Variants in SCYL2 observed in about 807,000 individuals in gnomAD.
The protein encoded by SCYL2 is SCY1-like protein 2.
In SCYL2, 36 loss-of-function variants were observed where a neutral mutation model predicts 100.4. That is an observed-to-expected ratio of 0.36 (90% CI 0.27 to 0.47). The LOEUF (loss-of-function observed/expected upper bound fraction) is 0.47, where lower values mean the gene tolerates loss of function less well. Ranked by LOEUF, SCYL2 falls within the 20% of genes least tolerant of loss-of-function variation. SCYL2 has a pLI of 1.00. For synonymous variants in SCYL2, 330 were observed against 359.2 expected (o/e 0.92, Z 0.92); for missense variants, 902 against 1,083.9 (o/e 0.83, Z 2.36).
intron 1 of SCYL2, among the ~76,000 whole-genome samples, chr12:100,273,504 C>T (rs1052788242): frequency 1.3e-5 from 2 of 152,114 alleles, no homozygotes; most frequent in African/African-American, 2.4e-5. Context: ...GTATCAGATA[C>T]ATAGTGGATA....
chr12:100,310,146 G>A (rs1458338601), intron 4 of SCYL2, among the ~76,000 whole-genome samples: 3 of 152,078 alleles, frequency 2.0e-5, no homozygotes, highest in Admixed American at 6.5e-5. Context: ...CTAGAGGCAC[G>A]CGCCACCATG....
intron 16 of SCYL2, among the ~76,000 whole-genome samples, chr12:100,336,788 TA>T (rs974289579): frequency 2.9e-4 from 44 of 152,230 alleles, no homozygotes; most frequent in African/African-American, 1.0e-3. Flanking sequence ...TAGCATCCAA[TA>T]AAAAAACTTT....
chr12:100,283,751 AGCTT>A (rs758800046), intron 2 of SCYL2, among the ~76,000 whole-genome samples: 2 of 152,226 alleles, frequency 1.3e-5, no homozygotes, highest in Non-Finnish European at 2.9e-5. Flanking sequence ...TTCCGAAGTT[AGCTT>A]ATTTCCCAGG....
Position 100,313,465 on chromosome 12 carries a change from A to C in SCYL2, c.896A>C (p.Glu299Ala). 6.2e-7 allele frequency: 1 copy of C among 1,609,968 alleles called. No individual in the cohort carries two copies. The highest frequency in any genetic ancestry group is 2.2e-5 in the East Asian group (1 of 44,760). ...GSSSLTNIPEEVREHVKLLLN... is the reference protein window; with the variant it reads ...GSSSLTNIPEAVREHVKLLLN... ...AGTTCACTTACAAATATACCTGAGG[A>C]AGTTCGTGAACATGTAAAGCTACTG... is the stretch of plus-strand genomic sequence containing the variant. Residue 299 changes from glutamate to alanine, a missense_variant, in exon 7 of 18, where the codon GAA becomes GCA. Glu to Ala is a moderately radical substitution (Grantham distance 107). Coordinates refer to ENST00000360820, the MANE Select transcript of SCYL2 (RefSeq NM_017988.6).
chr12:100,269,615 C>G (rs1055861323), intron 1 of SCYL2, among the ~76,000 whole-genome samples: 29 of 152,118 alleles, frequency 1.9e-4, no homozygotes, highest in African/African-American at 7.0e-4. Context: ...TGAGGTATAG[C>G]TAGCTTTTCC....
chr12:100,295,010 C>T (rs1248047940), intron 3 of SCYL2, among the ~76,000 whole-genome samples: 13 of 145,876 alleles, frequency 8.9e-5, no homozygotes, highest in East Asian at 2.1e-4. Context: ...CGCTCCTCAC[C>T]TCCCAGACGG....
intron 1 of SCYL2, among the ~76,000 whole-genome samples, chr12:100,274,756 G>C (rs992482189): frequency 3.3e-5 from 5 of 152,182 alleles, no homozygotes; most frequent in African/African-American, 9.7e-5. Flanking sequence ...TCAGGACATA[G>C]ACTTGTTCTC....
intron 3 of SCYL2, among the ~76,000 whole-genome samples, chr12:100,293,282 A>G (rs1275002380): frequency 6.6e-6 from 1 of 152,122 alleles, no homozygotes; most frequent in Non-Finnish European, 1.5e-5. Context: ...TGTCATAAAA[A>G]TATTTTTTAT....
chr12:100,310,340 A>G (rs2096340741), intron 4 of SCYL2, among the ~76,000 whole-genome samples: 2 of 152,084 alleles, frequency 1.3e-5, no homozygotes, highest in African/African-American at 2.4e-5. Context: ...CATGGATGTG[A>G]GGTGAGAGCT....
chr12:100,317,766 TC>T, intron 9 of SCYL2, 36 bp from the exon 10 acceptor site: 1 of 1,563,802 alleles, frequency 6.4e-7, no homozygotes, highest in Non-Finnish European at 8.6e-7. Flanking sequence ...TTTTAAAGAT[TC>T]CAGGTTTTAA....
chr12:100,322,044 C>CAA (rs35666642), intron 10 of SCYL2, among the ~76,000 whole-genome samples: 6 of 66,774 alleles, frequency 9.0e-5, no homozygotes, highest in South Asian at 6.0e-4. Context: ...CAAGACTCTC[C>CAA]AAAAAAAAAA....
Position 100,311,048 on chromosome 12 carries a change from C to G in SCYL2, c.485C>G (p.Ser162Cys). 1.3e-6 allele frequency: 2 copies of G among 1,550,636 alleles called. No homozygotes were observed. Among genetic ancestry groups the G allele is most frequent in the Non-Finnish European group, 8.7e-7 (1 of 1,152,982 alleles). ...ATGTGTTTTTTCCATTTACAGGTTT[C>G]TGAAGGATTGTCATTCTTGCATAGC... ...VETKYGLLQV[S>C]EGLSFLHSSV... is the part of the protein sequence containing the mutation. The change falls in exon 5 of 18, where the codon TCT becomes TGT. Residue 162 changes from serine (S) to cysteine (C), a missense_variant. Ser to Cys is a moderately radical substitution (Grantham distance 112). Coordinates refer to ENST00000360820, the MANE Select transcript of SCYL2 (RefSeq NM_017988.6).
Position 100,329,185 on chromosome 12 carries a change from C to A in SCYL2, c.1643-16C>A. 1.7e-6 allele frequency: 2 copies of A among 1,209,190 alleles called. No individual in the cohort carries two copies. Among genetic ancestry groups the A allele is most frequent in the Non-Finnish European group, 2.5e-6 (2 of 812,422 alleles). The allele number at this position is 1,209,190 out of a possible 1,614,324, so 74.9% of individuals were successfully genotyped here. On this transcript the variant is annotated splice_polypyrimidine_tract_variant and intron_variant, in intron 12 of 17. Transcript: ENST00000360820. ...TGGTGTTAACTTATAAAATTTGTCA[C>A]ATTCTTTTCTATCAGGTATTTACAA...
intron 4 of SCYL2, among the ~76,000 whole-genome samples, chr12:100,304,396 A>C (rs563679687): frequency 1.6e-4 from 25 of 152,122 alleles, no homozygotes; most frequent in African/African-American, 5.1e-4. Flanking sequence ...TAGGTACCTG[A>C]GGGAATCTCC....
intron 2 of SCYL2, 24 bp downstream of exon 2, chr12:100,283,171 T>G (rs772935314): frequency 1.3e-6 from 2 of 1,559,694 alleles, no homozygotes; most frequent in Non-Finnish European, 1.7e-6. Context: ...CAGCATCCAC[T>G]TGGAAAAAAC....
At position 100,315,550 on chromosome 12, in the gene SCYL2, C is replaced by A; in HGVS notation, c.1096-8C>A. On this transcript the variant is annotated splice_region_variant and splice_polypyrimidine_tract_variant and intron_variant, in intron 8 of 17. Coordinates refer to ENST00000360820, the MANE Select transcript of SCYL2 (RefSeq NM_017988.6). ...ATTTTTTTTTTAAAAAACATTTTTG[C>A]CTTTCAGCGTGTCATTGTGCAGAGA... 1.3e-6 allele frequency: 2 copies of A among 1,557,776 alleles called. No homozygotes were observed. The highest frequency in any genetic ancestry group is 1.3e-5 in the South Asian group (1 of 78,764).
At chr12:100,294,896 T>A (rs777108011) in intron 3 of SCYL2, among the ~76,000 whole-genome samples, 2 of 142,126 alleles carry the variant, frequency 1.4e-5, no homozygotes, top group Non-Finnish European at 3.1e-5. Context: ...TCCTCACTTC[T>A]CAGACGGGGC....
At chr12:100,332,000 C>G (rs973811230) in intron 13 of SCYL2, among the ~76,000 whole-genome samples, 2 of 152,014 alleles carry the variant, frequency 1.3e-5, no homozygotes, top group African/African-American at 4.8e-5. Context: ...GGACTCAGGA[C>G]TCAGCATATA....
Position 100,312,527 on chromosome 12 carries a change from C to A in SCYL2, c.726C>A (p.Ser242Arg). The part of the protein sequence containing the change: ...YLAPEYILSV[S>R]CETASDMYSL... ...CTCCTGAATACATACTTTCTGTGAGCTGTGAAACAGCCAGTGATATGTATT... is the reference window on the plus strand; with the variant it reads ...CTCCTGAATACATACTTTCTGTGAGATGTGAAACAGCCAGTGATATGTATT... Residue 242 changes from serine to arginine, a missense_variant, in exon 6 of 18, where the codon AGC becomes AGA. Ser to Arg is a moderately radical substitution (Grantham distance 110, BLOSUM62 -1). Coordinates refer to ENST00000360820, the MANE Select transcript of SCYL2 (RefSeq NM_017988.6). 6.2e-7 allele frequency: 1 copy of A among 1,613,442 alleles called. No individual in the cohort carries two copies. Among genetic ancestry groups the A allele is most frequent in the Non-Finnish European group, 8.5e-7 (1 of 1,179,520 alleles).
Sources: allele counts gnomAD v4.1 joint callset (sites outside exome capture counted in the v4.1 genomes callset), GRCh38; gene constraint gnomAD v4.1.1; transcripts MANE v1.5; gene names NCBI Gene and HGNC (gene_info 2026-07-23, HGNC 2026-07-21).